The following PLCE1 variants were observed in gnomAD, a reference collection of about 807,000 sequenced individuals.
The protein encoded by PLCE1 is 1-phosphatidylinositol 4,5-bisphosphate phosphodiesterase epsilon-1.
Under a neutral mutation model 242.8 loss-of-function variants are expected in PLCE1, and 119 were observed. That is an observed-to-expected ratio of 0.49 (90% CI 0.42 to 0.57). The LOEUF is 0.57. Among genes scored for constraint, PLCE1 ranks in the 20% least tolerant of loss-of-function variants. The probability of loss-of-function intolerance (pLI) is 0.00; values close to 1 mark genes in which losing one functional copy is unlikely to be tolerated. For missense variants in PLCE1, 2,441 were observed against 2,788.8 expected, an observed-to-expected ratio of 0.88 and a Z score of 2.81; for synonymous variants, 945 against 1,017.4, an observed-to-expected ratio of 0.93 and a Z score of 1.35.
intron 24 of PLCE1, among the ~76,000 whole-genome samples, chr10:94,299,366 G>A (rs1170825525): frequency 1.3e-5 from 2 of 151,974 alleles, no homozygotes; most frequent in African/African-American, 2.4e-5. Context: ...CTTTATGATC[G>A]CCATTTCTCA....
intron 5 of PLCE1, among the ~76,000 whole-genome samples, chr10:94,232,579 T>G (rs749132965): frequency 1.3e-5 from 2 of 152,152 alleles, no homozygotes; most frequent in South Asian, 4.2e-4. Context: ...TACTAGTTAC[T>G]CTCTCTAATT....
intron 7 of PLCE1, 135 bp downstream of exon 7, chr10:94,236,255 T>C: frequency 1.4e-6 from 1 of 717,138 alleles, no homozygotes; most frequent in East Asian, 2.7e-5. Flanking sequence ...GCCACACTTC[T>C]TTATCTTCAA....
chr10:94,159,175 GT>G (rs1181906389), intron 3 of PLCE1, among the ~76,000 whole-genome samples: 2 of 151,350 alleles, frequency 1.3e-5, no homozygotes, highest in African/African-American at 2.4e-5. Flanking sequence ...AATATATTGG[GT>G]TTTTTTTCTC....
intron 1 of PLCE1, among the ~76,000 whole-genome samples, chr10:94,020,210 C>A (rs1363839410): frequency 6.6e-6 from 1 of 152,146 alleles, no homozygotes; most frequent in East Asian, 1.9e-4. Context: ...GTGTGAAGTG[C>A]TATCTCATTG....
chr10:94,271,379 A>G (rs1244891775), intron 18 of PLCE1, among the ~76,000 whole-genome samples: 2 of 137,424 alleles, frequency 1.5e-5, no homozygotes, highest in African/African-American at 2.8e-5. Context: ...CAGTGGTGCA[A>G]TCTCTGCTCA....
rs745790590 is a variant in PLCE1, at chr10:94,318,113, T to C, written c.6342+1357T>C. 1.0e-3 allele frequency among the ~76,000 whole-genome samples: 158 copies of C among 152,204 alleles called. 2 individuals carry two copies. Among genetic ancestry groups the C allele is most frequent in the Non-Finnish European group, 3.2e-4 (22 of 68,026 alleles). On this transcript the variant is annotated intron_variant, in intron 29 of 32. Coordinates refer to ENST00000371380, the MANE Select transcript of PLCE1 (RefSeq NM_016341.4). Reference sequence around the variant, plus strand: ...ACTCTAGAGCCCAGAGCCACTGCCTTCTTTCCCTGACCTTGCCTGAGACAA... The same window carrying C: ...ACTCTAGAGCCCAGAGCCACTGCCTCCTTTCCCTGACCTTGCCTGAGACAA...
At chr10:94,036,775 A>C (rs943196524) in intron 2 of PLCE1, among the ~76,000 whole-genome samples, 12 of 152,200 alleles carry the variant, frequency 7.9e-5, no homozygotes, top group Non-Finnish European at 2.9e-5. Context: ...GTTATCTTGA[A>C]TGTGAAGTAC....
chr10:94,056,783 A>G (rs757089310), intron 2 of PLCE1, among the ~76,000 whole-genome samples: 1 of 152,154 alleles, frequency 6.6e-6, no homozygotes, highest in Non-Finnish European at 1.5e-5. Flanking sequence ...CTCCATACCC[A>G]TTAGCAGTCA....
At chr10:94,104,861 A>G (rs1245624365) in intron 2 of PLCE1, 2 of 152,230 alleles carry the variant, frequency 1.3e-5, no homozygotes, top group African/African-American at 4.8e-5. Context: ...AGCTGCACAT[A>G]TGGAATGAAA....
At chr10:94,136,561 C>T (rs113138894) in intron 3 of PLCE1, among the ~76,000 whole-genome samples, 13 of 152,082 alleles carry the variant, frequency 8.5e-5, no homozygotes, top group East Asian at 1.9e-4. Flanking sequence ...CTGTACTAGG[C>T]GAAAATAGAA....
chr10:94,180,979 A>G (rs1490801704), intron 4 of PLCE1, among the ~76,000 whole-genome samples: 1 of 152,194 alleles, frequency 6.6e-6, no homozygotes, highest in Non-Finnish European at 1.5e-5. Flanking sequence ...GCAGCACAAA[A>G]TGGACTAAGA....
At chr10:94,272,646 C>T (rs1012445525) in intron 18 of PLCE1, among the ~76,000 whole-genome samples, 1 of 152,140 alleles carries the variant, frequency 6.6e-6, no homozygotes, top group African/African-American at 2.4e-5. Context: ...GAAATCTTCA[C>T]AATTTATGTT....
Position 94,299,461 on chromosome 10 carries a change from T to G in PLCE1, c.5458+792T>G, listed in dbSNP as rs149454675. 3.9e-5 allele frequency among the ~76,000 whole-genome samples: 6 copies of G among 152,320 alleles called. No individual in the cohort carries two copies. In the East Asian group the frequency reaches 1.2e-3, roughly 29 times the overall value. ...TAATAAATTCAAGGAGTCTGGAAGT[T>G]TAAAGGATAAAGCATTATGTTTCCA... On this transcript the variant is annotated intron_variant, in intron 24 of 32. Coordinates refer to ENST00000371380, the MANE Select transcript of PLCE1 (RefSeq NM_016341.4).
At position 94,078,492 on chromosome 10, in the gene PLCE1, C is replaced by A. The variant is rs189399808; in HGVS notation, c.1206+46240C>A. ...ATGGTCTTGAAAATCACTTTTTGCT[C>A]ATTTTTTTTTTTTGAGACAGAGTCT... On this transcript the variant is annotated intron_variant, in intron 2 of 32. Transcript: ENST00000371380. 2.2e-4 allele frequency among the ~76,000 whole-genome samples: 33 copies of A among 148,848 alleles called. 1 individual carries two copies. The highest frequency in any genetic ancestry group is 7.4e-5 in the Non-Finnish European group (5 of 67,868).
chr10:94,031,146 T>C lies in PLCE1; in HGVS notation c.100T>C (p.Ser34Pro), dbSNP rs773919510. The C allele has an allele frequency of 6.2e-7, 1 of 1,613,882 alleles. No homozygotes were observed. Among genetic ancestry groups the C allele is most frequent in the South Asian group, 1.1e-5 (1 of 91,080 alleles). Residue 34 changes from serine (S) to proline (P), a missense_variant, in exon 2 of 33, where the codon TCA becomes CCA. Physicochemically the swap from Ser to Pro is moderately conservative, Grantham distance 74. This residue lies in a region of PLCE1 where 393 missense variants were observed against 378.5 expected (regional missense o/e 1.04). Transcript: ENST00000371380. ...SAADESSEKV[S>P]DINISKAHTV... ...TGCAGATGAAAGTAGTGAAAAGGTC[T>C]CAGACATCAATATTTCAAAAGCACA...
intron 5 of PLCE1, among the ~76,000 whole-genome samples, chr10:94,230,523 A>G (rs2050107478): frequency 6.6e-6 from 1 of 151,938 alleles, no homozygotes; most frequent in Non-Finnish European, 1.5e-5. Context: ...TGGACTTTCA[A>G]CATGTTGGCC....
At chr10:94,283,710 T>C in intron 20 of PLCE1, 80 bp from the exon 21 acceptor site, 1 of 1,416,826 alleles carries the variant, frequency 7.1e-7, no homozygotes, top group Admixed American at 1.7e-5. Flanking sequence ...AGTATCTGGA[T>C]GTCCTCACAG....
chr10:94,128,222 G>A (rs1243814740), intron 2 of PLCE1, among the ~76,000 whole-genome samples: 1 of 152,104 alleles, frequency 6.6e-6, no homozygotes, highest in Non-Finnish European at 1.5e-5. Context: ...TTCTGACCTT[G>A]TGATCCACCC....
chr10:94,099,450 A>G (rs1407027204), intron 2 of PLCE1, among the ~76,000 whole-genome samples: 1 of 152,178 alleles, frequency 6.6e-6, no homozygotes, highest in Non-Finnish European at 1.5e-5. Flanking sequence ...ACATTTACCT[A>G]CTTAGTGAAT....
Sources: gnomAD v4.1 joint callset for allele counts (sites outside exome capture counted in the v4.1 genomes callset) on GRCh38, gnomAD v4.1.1 for gene constraint, gnomAD v4.1.1 regional missense constraint, MANE v1.5 for transcripts, NCBI Gene and HGNC (gene_info 2026-07-23, HGNC 2026-07-21) for gene names.